CNTNAP3B: variants seen among roughly 807,000 people sequenced by gnomAD.
CNTNAP3B encodes contactin-associated protein-like 3B.
Under a neutral mutation model 108.9 loss-of-function variants are expected in CNTNAP3B, and 25 were observed. The observed-to-expected ratio is 0.23, with a 90% CI of 0.17 to 0.32. The LOEUF (loss-of-function observed/expected upper bound fraction) is 0.32. CNTNAP3B is among the 10% of genes least tolerant of loss of function. The pLI is 1.00. For missense variants in CNTNAP3B, 252 were observed against 1,210.4 expected (o/e 0.21, Z 11.75); for synonymous variants, 103 against 473.4 (o/e 0.22, Z 10.16).
intron 15 of CNTNAP3B, among the ~76,000 whole-genome samples, chr9:41,925,326 G>T (rs1310568132): frequency 6.6e-6 from 1 of 152,140 alleles, no homozygotes; most frequent in African/African-American, 2.4e-5. Flanking sequence ...AGGCGCAGTG[G>T]CTCACGCCTG....
chr9:41,954,673 A>C (rs1232557763), intron 12 of CNTNAP3B, among the ~76,000 whole-genome samples: 1 of 152,230 alleles, frequency 6.6e-6, no homozygotes, highest in Non-Finnish European at 1.5e-5. Flanking sequence ...TTTTTATTTT[A>C]GATTTTTTAT....
chr9:41,952,869 G>T (rs1303119480), intron 13 of CNTNAP3B, among the ~76,000 whole-genome samples: 1 of 150,466 alleles, frequency 6.6e-6, no homozygotes, highest in African/African-American at 2.4e-5. Context: ...GACCCAGCCT[G>T]CCCTACAGCC....
At chr9:41,959,010 G>T (rs564752754) in intron 12 of CNTNAP3B, among the ~76,000 whole-genome samples, 1 of 140,262 alleles carries the variant, frequency 7.1e-6, no homozygotes, top group Non-Finnish European at 1.5e-5. Flanking sequence ...ATTAAGTTTA[G>T]GTTTTCCTAC....
intron 15 of CNTNAP3B, among the ~76,000 whole-genome samples, chr9:41,928,577 A>G (rs1489921432): frequency 6.6e-6 from 1 of 152,290 alleles, no homozygotes; most frequent in Non-Finnish European, 1.5e-5. Flanking sequence ...GCAAGAATGT[A>G]CAGAGAGGCT....
intron 2 of CNTNAP3B, among the ~76,000 whole-genome samples, chr9:42,100,560 C>T (rs936113050): frequency 7.6e-5 from 1 of 13,194 alleles, no homozygotes; most frequent in Non-Finnish European, 1.9e-4. Flanking sequence ...GCACTTTCTG[C>T]ATAATTGTTT....
chr9:41,976,710 T>C (rs1286900657), intron 9 of CNTNAP3B, among the ~76,000 whole-genome samples: 3 of 105,960 alleles, frequency 2.8e-5, no homozygotes, highest in Admixed American at 9.6e-5. Context: ...CAGACCAACC[T>C]GAACAACGTG....
intron 1 of CNTNAP3B, among the ~76,000 whole-genome samples, chr9:42,116,095 C>A (rs1197089623): frequency 7.2e-6 from 1 of 139,146 alleles, no homozygotes; most frequent in Non-Finnish European, 1.5e-5. Flanking sequence ...GTAGCCAATC[C>A]GATCAACTGG....
At chr9:41,930,686 C>A (rs1823952066) in intron 14 of CNTNAP3B, among the ~76,000 whole-genome samples, 1 of 152,304 alleles carries the variant, frequency 6.6e-6, no homozygotes, top group Admixed American at 6.5e-5. Flanking sequence ...TATTGAATAC[C>A]ATGAGTATTA....
intron 10 of CNTNAP3B, among the ~76,000 whole-genome samples, chr9:41,968,309 C>A (rs1013105906): frequency 7.0e-6 from 1 of 142,296 alleles, no homozygotes; most frequent in Non-Finnish European, 1.5e-5. Flanking sequence ...CCCCTTAACT[C>A]AGAGAGAGAT....
rs1263227985 is a variant in CNTNAP3B, at chr9:42,108,133, G to T, written c.86-3394C>A. ...AATTGTACACTACTGAGTCAGAGGG[G>T]AAAACACAGTGGGCACCCCACAAGT... On this transcript the variant is annotated intron_variant, in intron 1 of 23. Transcript: ENST00000377561. 1.4e-5 allele frequency among the ~76,000 whole-genome samples: 2 copies of T among 138,740 alleles called. 1 individual carries two copies. The highest frequency in any genetic ancestry group is 5.7e-5 in the African/African-American group (2 of 34,944). 91.0% of individuals were successfully genotyped at this position (138,740 alleles called of 152,430 possible).
In CNTNAP3B at chr9:42,094,455, G is replaced by C. The variant is rs1158099854; in HGVS notation, c.196+10174C>G. 2.3e-5 allele frequency among the ~76,000 whole-genome samples: 3 copies of C among 128,500 alleles called. 1 individual carries two copies. Among genetic ancestry groups the C allele is most frequent in the Non-Finnish European group, 4.9e-5 (3 of 61,744 alleles). 84.3% of individuals were successfully genotyped at this position (128,500 alleles called of 152,430 possible). A position where few individuals can be genotyped will look rare whatever the true frequency, so the allele number is the denominator to read the frequency against. ...GGACTGCTTGAGCCCAGGAATTCAA[G>C]ACCAGCCTGAGCAACATAATGAGAT... On this transcript the variant is annotated intron_variant, in intron 2 of 23. Transcript: ENST00000377561.
At chr9:41,945,162 TTGG>T (rs1394562731) in intron 13 of CNTNAP3B, among the ~76,000 whole-genome samples, 7 of 152,286 alleles carry the variant, frequency 4.6e-5, no homozygotes, top group Admixed American at 1.3e-4. Flanking sequence ...TTTTACACTG[TTGG>T]TGGGACTGTA....
rs1441726686 is a variant in CNTNAP3B, at chr9:41,916,562, C to A, written c.2995+3508G>T. Among the ~76,000 whole-genome samples, 8 of 151,012 alleles carry A rather than the reference C, an allele frequency of 5.3e-5. No individual in the cohort carries two copies. In the East Asian group the frequency reaches 5.8e-4, roughly 11 times the overall value. On this transcript the variant is annotated intron_variant, in intron 18 of 23. Transcript: ENST00000377561. ...TTGTAAGTAGGGATATATTTACTAT[C>A]TTTTATAATTTTTAGTTTTTATGAA...
rs1387322077 is a variant in CNTNAP3B at position 42,034,182 on chromosome 9, A to ATCTATCTATCTATC, written c.391-20658_391-20657insGATAGATAGATAGA. On this transcript the variant is annotated intron_variant, in intron 3 of 23. Coordinates refer to ENST00000377561, the MANE Select transcript of CNTNAP3B (RefSeq NM_001201380.3). ...TATTTATCTATATGTATGTATGTATATATGTATCTATCTATCTATCTATCT... is the reference window on the plus strand; with the variant it reads ...TATTTATCTATATGTATGTATGTATATCTATCTATCTATCTATGTATCTATCTATCTATCTATCT... Among the ~76,000 whole-genome samples, 43 of 61,944 alleles carry ATCTATCTATCTATC rather than the reference A, an allele frequency of 6.9e-4. 7 individuals carry two copies. Among genetic ancestry groups the ATCTATCTATCTATC allele is most frequent in the African/African-American group, 2.2e-3 (41 of 18,528 alleles). 40.6% of individuals were successfully genotyped at this position (61,944 alleles called of 152,430 possible). A position where few individuals can be genotyped will look rare whatever the true frequency, so the allele number is the denominator to read the frequency against.
intron 3 of CNTNAP3B, among the ~76,000 whole-genome samples, chr9:42,016,857 T>G (rs2118428082): frequency 6.6e-6 from 1 of 150,438 alleles, no homozygotes; most frequent in Non-Finnish European, 1.5e-5. Flanking sequence ...AGTTAATATA[T>G]ATAATGTATT....
At chr9:41,957,487 T>C (rs1824896669) in intron 12 of CNTNAP3B, among the ~76,000 whole-genome samples, 1 of 126,354 alleles carries the variant, frequency 7.9e-6, no homozygotes, top group African/African-American at 3.2e-5. Context: ...GAGGTATCTC[T>C]AAGCTTAGGG....
In CNTNAP3B at chr9:42,117,165, C is replaced by T. The variant is rs1046903596; in HGVS notation, c.85+11845G>A. Among the ~76,000 whole-genome samples, 5 of 136,056 alleles carry T rather than the reference C, an allele frequency of 3.7e-5. 2 individuals carry two copies. Among genetic ancestry groups the T allele is most frequent in the Non-Finnish European group, 4.7e-5 (3 of 64,224 alleles). The allele number at this position is 136,056 out of a possible 152,430, so 89.3% of individuals were successfully genotyped here. ...TCCAGGAATTGAACTCAGCTCTGCA[C>T]CAAGCAGACCTAATAGACATCTACA... On this transcript the variant is annotated intron_variant, in intron 1 of 23. Transcript: ENST00000377561.
intron 10 of CNTNAP3B, among the ~76,000 whole-genome samples, chr9:41,965,211 T>A (rs1825233271): frequency 6.6e-6 from 1 of 152,302 alleles, no homozygotes; most frequent in Admixed American, 6.5e-5. Flanking sequence ...ATCCACAAAT[T>A]CAATACAATT....
intron 18 of CNTNAP3B, among the ~76,000 whole-genome samples, chr9:41,917,115 A>G (rs921497919): frequency 6.6e-5 from 10 of 152,260 alleles, no homozygotes; most frequent in African/African-American, 2.4e-4. Flanking sequence ...TTTTTCAAAT[A>G]TTTTTTTCTG....
Sources: allele counts gnomAD v4.1 joint callset (sites outside exome capture counted in the v4.1 genomes callset), GRCh38; gene constraint gnomAD v4.1.1; transcripts MANE v1.5; gene names NCBI Gene and HGNC (gene_info 2026-07-23, HGNC 2026-07-21).